Variants in KIF21B observed in about 807,000 individuals in gnomAD.
The protein encoded by KIF21B is kinesin family member 21B, also known as kinesin-like protein KIF21B.
In KIF21B, 85 loss-of-function variants were observed where a neutral mutation model predicts 192.9. The ratio of observed to expected loss-of-function variants is 0.44; its 90% CI spans 0.37 to 0.53. The LOEUF (loss-of-function observed/expected upper bound fraction) is 0.53, where lower values mean the gene tolerates loss of function less well. KIF21B is among the 20% of genes least tolerant of loss of function. The probability of loss-of-function intolerance (pLI) is 0.00; values close to 1 mark genes in which losing one functional copy is unlikely to be tolerated. For missense variants in KIF21B, 1,716 were observed against 2,194.8 expected (o/e 0.78, Z 4.36); for synonymous variants, 832 against 884.6 (o/e 0.94, Z 1.05).
At chr1:200,988,660 T>G in intron 22 of KIF21B, 106 bp downstream of exon 22, 1 of 1,489,750 alleles carries the variant, frequency 6.7e-7, no homozygotes, top group South Asian at 1.3e-5. Flanking sequence ...GGGCTCCTGG[T>G]GGGGGTTAGG....
In KIF21B at chr1:200,990,700, G is replaced by C; in HGVS notation, c.2711C>G (p.Ala904Gly). 6.2e-7 allele frequency: 1 copy of C among 1,614,136 alleles called. No homozygotes were observed. Among genetic ancestry groups the C allele is most frequent in the Non-Finnish European group, 8.5e-7 (1 of 1,180,008 alleles). ...PARKKFQKKG[A>G]SQSFSKAARL... ...TGCCGCCTTACTGAAGCTCTGGCTG[G>C]CCCCCTTCTTCTGGAACTTCTTTCT... The change falls in exon 19 of 35, where the codon GCC becomes GGC. Residue 904 changes from alanine to glycine, a missense_variant. Ala to Gly is a moderately conservative substitution (Grantham distance 60, BLOSUM62 0). This residue lies in a region of KIF21B where 1,087 missense variants were observed against 1,316.6 expected (regional missense o/e 0.83). Transcript: ENST00000461742. The surrounding 1 kb of genome is among the most constrained non-coding windows in gnomAD (Gnocchi z 5.4).
chr1:200,992,578 G>C (rs1241826413), intron 15 of KIF21B, among the ~76,000 whole-genome samples, 189 bp from the exon 16 acceptor site: 1 of 152,238 alleles, frequency 6.6e-6, no homozygotes, highest in Non-Finnish European at 1.5e-5. Context: ...TAAGCCGCCT[G>C]GGCAAGCTGC....
chr1:200,996,975 T>C (rs764456269), intron 14 of KIF21B, among the ~76,000 whole-genome samples: 50 of 152,042 alleles, frequency 3.3e-4, no homozygotes, highest in South Asian at 6.2e-4. Context: ...CTCCCTCACA[T>C]CTACCTCCCA....
chr1:200,983,009 C>A, intron 28 of KIF21B, 47 bp downstream of exon 28: 1 of 1,511,742 alleles, frequency 6.6e-7, no homozygotes, highest in South Asian at 1.2e-5. Context: ...GAGAGGGTGC[C>A]GAGAGTGAGA....
At position 200,979,545 on chromosome 1, in the gene KIF21B, G is replaced by A. The variant is rs148681629; in HGVS notation, c.4150C>T (p.Arg1384Trp). 11 of 1,552,050 alleles carry A rather than the reference G, an allele frequency of 7.1e-6. No homozygotes were observed. The highest frequency in any genetic ancestry group is 5.5e-5 in the African/African-American group (4 of 72,324). ...GCGGGGGTTACTCACGTGAGAGTCC[G>A]AATGCACTTGGCTGAGTCCCGGATG... ...WDIRDSAKCI[R>W]TLTSSGQVIS... The change falls in exon 30 of 35, where the codon CGG becomes TGG. Residue 1384 changes from arginine to tryptophan, a missense_variant. Around this residue, in one of 3 missense-constraint regions of KIF21B, gnomAD observed 580 missense variants for 775.5 expected, o/e 0.75. Transcript: ENST00000461742.
At position 200,991,075 on chromosome 1, in the gene KIF21B, C is replaced by A. The variant is rs1558008653; in HGVS notation, c.2529G>T (p.Met843Ile). 1 of 1,614,134 alleles carries A rather than the reference C, an allele frequency of 6.2e-7. No homozygotes were observed. Among genetic ancestry groups the A allele is most frequent in the Admixed American group, 1.7e-5 (1 of 60,036 alleles). Residue 843 changes from methionine to isoleucine, a missense_variant, in exon 18 of 35, where the codon ATG (methionine) becomes ATT (isoleucine). Physicochemically the swap from Met to Ile is conservative, Grantham distance 10 (BLOSUM62 1). Transcript: ENST00000461742. The stretch of plus-strand genomic sequence containing the variant: ...CCGACACCTCAGCCCCAGAGTCCAG[C>A]ATGGGTGGCTTTAGTCCTGCACGCC... ...VAGRAGLKPP[M>I]LDSGAEVSAS...
rs545057990 is a variant in KIF21B at position 200,996,187 on chromosome 1, G to A, written c.2277+9C>T. ...TCCAGGCCCCACTCCTCACACCCTCGGCCCCTACCTTGGCCTTCTTCATCT... is the reference window on the plus strand; with the variant it reads ...TCCAGGCCCCACTCCTCACACCCTCAGCCCCTACCTTGGCCTTCTTCATCT... On this transcript the variant is annotated intron_variant, in intron 15 of 34. Transcript: ENST00000461742. 6.5e-5 allele frequency: 104 copies of A among 1,612,342 alleles called. No homozygotes were observed. The highest frequency in any genetic ancestry group is 1.3e-4 in the East Asian group (6 of 44,884).
At chr1:201,007,814 A>C (rs1658000324) in intron 3 of KIF21B, among the ~76,000 whole-genome samples, 1 of 151,958 alleles carries the variant, frequency 6.6e-6, no homozygotes, top group Non-Finnish European at 1.5e-5. Context: ...ACACATAGAC[A>C]CACAAGACAC....
rs1425868043 is a variant in KIF21B, at chr1:200,973,426, G to C, written c.*95C>G. ...GAGGGGGCCACGCCCTCTGTCCCCAGAGCAGCTGGCCCCATCGGCCGGGTC... is the reference window on the plus strand; with the variant it reads ...GAGGGGGCCACGCCCTCTGTCCCCACAGCAGCTGGCCCCATCGGCCGGGTC... On this transcript the variant is annotated 3_prime_UTR_variant, in exon 35 of 35. Transcript: ENST00000461742. 7.3e-7 allele frequency: 1 copy of C among 1,361,264 alleles called. No individual in the cohort carries two copies. The highest frequency in any genetic ancestry group is 3.0e-5 in the East Asian group (1 of 32,870). The allele number at this position is 1,361,264 out of a possible 1,614,324, so 84.3% of individuals were successfully genotyped here.
intron 28 of KIF21B, among the ~76,000 whole-genome samples, chr1:200,981,498 C>G (rs890649587): frequency 7.2e-5 from 11 of 152,312 alleles, no homozygotes; most frequent in African/African-American, 2.2e-4. Flanking sequence ...GGCCCTGTAG[C>G]TTCCACCAGA....
chr1:200,990,873 C>A lies in KIF21B; in HGVS notation c.2687+44G>T, dbSNP rs1162024996. 1.9e-6 allele frequency: 3 copies of A among 1,609,478 alleles called. No homozygotes were observed. The Admixed American group carries it at 5.0e-5, about 27-fold the overall frequency. ...ACCCTGGCCCTGCCCCATATTCCCA[C>A]CCCCTCTGCCTGCACAGGCCAGGGG... On this transcript the variant is annotated intron_variant, in intron 18 of 34. Transcript: ENST00000461742. The surrounding 1 kb of genome is among the most constrained non-coding windows in gnomAD (Gnocchi z 5.4).
chr1:200,995,646 T>C (rs1242775683), intron 15 of KIF21B, among the ~76,000 whole-genome samples: 1 of 152,240 alleles, frequency 6.6e-6, no homozygotes, highest in African/African-American at 2.4e-5. Context: ...TGCTACCTCT[T>C]GGAAGCTGGA....
In KIF21B at chr1:200,990,455, G is replaced by A. The variant is rs557354064; in HGVS notation, c.2835+121C>T. 1.1e-3 allele frequency: 1,663 copies of A among 1,483,824 alleles called. No individual in the cohort carries two copies. The highest frequency in any genetic ancestry group is 1.4e-3 in the Non-Finnish European group (1,512 of 1,090,802). 91.9% of individuals were successfully genotyped at this position (1,483,824 alleles called of 1,614,324 possible). A position where few individuals can be genotyped will look rare whatever the true frequency, so the allele number is the denominator to read the frequency against. Reference sequence around the variant, plus strand: ...GTCCCCCCAGCACCTCTGGATTCCAGAGCAGGCAAAAGGAGCAGAGGGAAG... The same window carrying A: ...GTCCCCCCAGCACCTCTGGATTCCAAAGCAGGCAAAAGGAGCAGAGGGAAG... On this transcript the variant is annotated intron_variant, in intron 19 of 34. Coordinates refer to ENST00000461742, the MANE Select transcript of KIF21B (RefSeq NM_001252102.2). This position sits in a 1 kb window ranked among gnomAD's most constrained non-coding sequence, Gnocchi z 5.4.
At chr1:200,978,259 G>A (rs751317632) in intron 30 of KIF21B, among the ~76,000 whole-genome samples, 5 of 151,956 alleles carry the variant, frequency 3.3e-5, no homozygotes, top group Non-Finnish European at 7.4e-5. Context: ...ATGTTGGTTA[G>A]GCTGGTCTTG....
intron 24 of KIF21B, among the ~76,000 whole-genome samples, chr1:200,987,689 G>A (rs887912761): frequency 6.6e-6 from 1 of 152,238 alleles, no homozygotes; most frequent in Non-Finnish European, 1.5e-5. Context: ...ATGGTTTCAC[G>A]GCCCTTAGTT....
In KIF21B at chr1:201,004,821, C is replaced by T. The variant is rs1163495836; in HGVS notation, c.845G>A (p.Arg282Gln). 6 of 1,614,010 alleles carry T rather than the reference C, an allele frequency of 3.7e-6. No homozygotes were observed. The highest frequency in any genetic ancestry group is 1.3e-5 in the African/African-American group (1 of 74,938). ...GGCCCGCTCGCCAGTAGCCCCTGTCCGCTTCAGCCGCTCTGAGCCGGCCAG... is the reference window on the plus strand; with the variant it reads ...GGCCCGCTCGCCAGTAGCCCCTGTCTGCTTCAGCCGCTCTGAGCCGGCCAG... ...VDLAGSERLK[R>Q]TGATGERAKE... The change falls in exon 6 of 35, where the codon CGG becomes CAG. Residue 282 changes from arginine to glutamine, a missense_variant. By Grantham distance (43) the Arg-to-Gln change is conservative (BLOSUM62 1). Around this residue, in one of 3 missense-constraint regions of KIF21B, gnomAD observed 1,087 missense variants for 1,316.6 expected, o/e 0.83. Transcript: ENST00000461742.
In KIF21B at chr1:201,000,707, A is replaced by G. The variant is rs202222799; in HGVS notation, c.1466+10T>C. The stretch of plus-strand genomic sequence containing the variant: ...AGCCCGCGCACACCTGCCGGAGCTC[A>G]CTCACTCACCGTAGCTCCTCGATCT... On this transcript the variant is annotated intron_variant, in intron 10 of 34. Coordinates refer to ENST00000461742, the MANE Select transcript of KIF21B (RefSeq NM_001252102.2). This position sits in a 1 kb window ranked among gnomAD's most constrained non-coding sequence, Gnocchi z 6.0. 1.2e-6 allele frequency: 2 copies of G among 1,613,984 alleles called. No homozygotes were observed. The highest frequency in any genetic ancestry group is 1.7e-6 in the Non-Finnish European group (2 of 1,179,868).
Position 200,974,629 on chromosome 1 carries a change from C to T in KIF21B, c.4814+85G>A, listed in dbSNP as rs995960120. On this transcript the variant is annotated intron_variant, in intron 34 of 34. Transcript: ENST00000461742. ...TGAACCGAGCCTGCGGGGACAACTG[C>T]AGGGCCCTGAGCCTCCCAGCCTCCC... 4 of 1,426,020 alleles carry T rather than the reference C, an allele frequency of 2.8e-6. No individual in the cohort carries two copies. In the East Asian group the frequency reaches 9.2e-5, roughly 33 times the overall value. The allele number at this position is 1,426,020 out of a possible 1,614,324, so 88.3% of individuals were successfully genotyped here. A position where few individuals can be genotyped will look rare whatever the true frequency, so the allele number is the denominator to read the frequency against.
chr1:200,996,531 G>C, intron 14 of KIF21B, 136 bp from the exon 15 acceptor site: 2 of 725,972 alleles, frequency 2.8e-6, no homozygotes, highest in Non-Finnish European at 4.6e-6. Flanking sequence ...ACCCCTCTCT[G>C]AGCCTGTTTC....
Sources: allele counts gnomAD v4.1 joint callset (sites outside exome capture counted in the v4.1 genomes callset), GRCh38; gene constraint gnomAD v4.1.1; regional missense constraint gnomAD v4.1.1; non-coding constraint Gnocchi (gnomAD v3.1); transcripts MANE v1.5; gene names NCBI Gene and HGNC (gene_info 2026-07-23, HGNC 2026-07-21).